The following CTNND2 variants were observed in gnomAD, a reference collection of about 807,000 sequenced individuals.
CTNND2 encodes the protein catenin delta 2.
A neutral mutation model predicts 144.4 loss-of-function variants in CTNND2; 22 were observed. That is an observed-to-expected ratio of 0.15 (90% confidence interval 0.11 to 0.22). The LOEUF (loss-of-function observed/expected upper bound fraction) is 0.22. Among genes scored for constraint, CTNND2 ranks in the 10% least tolerant of loss-of-function variants. CTNND2 has a pLI of 1.00. For synonymous variants in CTNND2, 751 were observed against 695.6 expected (o/e 1.08, Z -1.25); for missense variants, 1,353 against 1,618.8 (o/e 0.84, Z 2.82).
intron 18 of CTNND2, among the ~76,000 whole-genome samples, 161 bp from the exon 19 acceptor site, chr5:10,992,838 A>G (rs1738853321): frequency 6.6e-6 from 1 of 152,180 alleles, no homozygotes; most frequent in South Asian, 2.1e-4. Flanking sequence ...ACAGAGCCAA[A>G]TGTGAATGAA....
intron 9 of CTNND2, among the ~76,000 whole-genome samples, chr5:11,283,966 T>C (rs896242381): frequency 1.3e-5 from 2 of 152,216 alleles, no homozygotes; most frequent in African/African-American, 4.8e-5. Flanking sequence ...GTGTCTCTAA[T>C]ACAGTCTTCA....
At chr5:11,744,652 T>C (rs1162024577) in intron 1 of CTNND2, among the ~76,000 whole-genome samples, 1 of 151,664 alleles carries the variant, frequency 6.6e-6, no homozygotes, top group East Asian at 1.9e-4. Context: ...ATGCTGTTGG[T>C]AGATCCTTGA....
chr5:11,018,867 T>C (rs374142783), intron 17 of CTNND2, among the ~76,000 whole-genome samples: 2 of 152,160 alleles, frequency 1.3e-5, no homozygotes, highest in African/African-American at 2.4e-5. Flanking sequence ...TGTGCCACCA[T>C]GCCCAGCTAT....
At position 11,067,154 on chromosome 5, in the gene CTNND2, T is replaced by C. The variant is rs558355890; in HGVS notation, c.2788+15542A>G. 1.1e-3 allele frequency among the ~76,000 whole-genome samples: 160 copies of C among 152,288 alleles called. 5 individuals carry two copies. The highest frequency in any genetic ancestry group is 9.7e-3 in the Admixed American group (148 of 15,298). ...CAAACACTGCCTCACATCCCCTCTA[T>C]ATATCAAAGAGAACACATTTTAAAA... is the stretch of plus-strand genomic sequence containing the variant. On this transcript the variant is annotated intron_variant, in intron 16 of 21. Coordinates refer to ENST00000304623, the MANE Select transcript of CTNND2 (RefSeq NM_001332.4).
At chr5:11,845,390 C>T (rs1405311585) in intron 1 of CTNND2, among the ~76,000 whole-genome samples, 1 of 152,128 alleles carries the variant, frequency 6.6e-6, no homozygotes, top group Non-Finnish European at 1.5e-5. Context: ...CCCAGTACCT[C>T]AGAATATGAC....
At chr5:11,148,407 C>T (rs1757444782) in intron 12 of CTNND2, among the ~76,000 whole-genome samples, 1 of 152,156 alleles carries the variant, frequency 6.6e-6, no homozygotes, top group Non-Finnish European at 1.5e-5. Context: ...ATAATCTGGT[C>T]ATAACAGAAG....
At chr5:11,891,042 A>G (rs1377633566) in intron 1 of CTNND2, among the ~76,000 whole-genome samples, 13 of 152,240 alleles carry the variant, frequency 8.5e-5, no homozygotes, top group Non-Finnish European at 1.8e-4. Context: ...AACCCTGGTG[A>G]GCAATGAGAC....
At chr5:11,849,847 A>T (rs1017568331) in intron 1 of CTNND2, among the ~76,000 whole-genome samples, 2 of 152,164 alleles carry the variant, frequency 1.3e-5, no homozygotes, top group Non-Finnish European at 2.9e-5. Context: ...CATTCTGCCC[A>T]TGGCCAGGAA....
At chr5:11,797,207 C>G (rs1204742918) in intron 1 of CTNND2, among the ~76,000 whole-genome samples, 1 of 152,194 alleles carries the variant, frequency 6.6e-6, no homozygotes, top group East Asian at 1.9e-4. Flanking sequence ...CCTCCATTCA[C>G]CACAATTGAA....
intron 1 of CTNND2, among the ~76,000 whole-genome samples, chr5:11,819,804 T>C (rs187999636): frequency 6.3e-4 from 96 of 152,310 alleles, no homozygotes; most frequent in African/African-American, 2.1e-3. Context: ...TGATATTCCC[T>C]GCTATGGAGT....
intron 13 of CTNND2, among the ~76,000 whole-genome samples, chr5:11,113,488 G>C (rs1753220117): frequency 6.6e-6 from 1 of 152,128 alleles, no homozygotes; most frequent in Admixed American, 6.5e-5. Context: ...TTTATTCTCT[G>C]ACCTTTTGCA....
chr5:11,688,338 C>T (rs1000438336), intron 2 of CTNND2, among the ~76,000 whole-genome samples: 1 of 152,076 alleles, frequency 6.6e-6, no homozygotes, highest in Non-Finnish European at 1.5e-5. Context: ...CTGTGGGTTA[C>T]TCAGCAGGCA....
chr5:11,809,842 G>A (rs1792221505), intron 1 of CTNND2, among the ~76,000 whole-genome samples: 1 of 152,186 alleles, frequency 6.6e-6, no homozygotes, highest in Non-Finnish European at 1.5e-5. Context: ...AGTCACTGCG[G>A]TCCTATTGTA....
At chr5:11,407,487 C>A (rs1581130182) in intron 5 of CTNND2, among the ~76,000 whole-genome samples, 1 of 152,126 alleles carries the variant, frequency 6.6e-6, no homozygotes, top group Non-Finnish European at 1.5e-5. Context: ...GTCTTGAGGT[C>A]AAAAAGATGC....
intron 10 of CTNND2, among the ~76,000 whole-genome samples, chr5:11,230,345 T>C (rs1411545987): frequency 1.7e-5 from 2 of 119,404 alleles, no homozygotes; most frequent in African/African-American, 6.8e-5. Flanking sequence ...TGTGCACATG[T>C]ACCCTAAAAC....
At chr5:11,615,250 C>T (rs72734929) in intron 2 of CTNND2, among the ~76,000 whole-genome samples, 2,703 of 152,162 alleles carry the variant, frequency 0.018, 37 homozygotes, top group Non-Finnish European at 0.027. Flanking sequence ...TGGCAAAAAC[C>T]GCAATTACTT....
chr5:11,327,185 A>C (rs1416799802), intron 9 of CTNND2, among the ~76,000 whole-genome samples: 1 of 152,172 alleles, frequency 6.6e-6, no homozygotes, highest in East Asian at 1.9e-4. Flanking sequence ...GGTGGAGGTC[A>C]AGGGCCAGTG....
intron 16 of CTNND2, among the ~76,000 whole-genome samples, chr5:11,030,148 G>A (rs1016870701): frequency 6.6e-5 from 10 of 152,064 alleles, no homozygotes; most frequent in African/African-American, 2.4e-4. Flanking sequence ...TGTGTGATGA[G>A]TCACTTCTCT....
chr5:11,072,270 C>T (rs1325464077), intron 16 of CTNND2, among the ~76,000 whole-genome samples: 1 of 152,202 alleles, frequency 6.6e-6, no homozygotes, highest in East Asian at 1.9e-4. Flanking sequence ...GAAAGTAACA[C>T]ACTGCACATT....
Sources: gnomAD v4.1 joint callset for allele counts (sites outside exome capture counted in the v4.1 genomes callset) on GRCh38, gnomAD v4.1.1 for gene constraint, MANE v1.5 for transcripts, NCBI Gene and HGNC (gene_info 2026-07-23, HGNC 2026-07-21) for gene names.